Variants in MATN2 observed in about 807,000 individuals in gnomAD.
MATN2 encodes matrilin-2.
Under a neutral mutation model 103.2 loss-of-function variants are expected in MATN2, and 69 were observed. The observed-to-expected ratio is 0.67, with a 90% CI of 0.55 to 0.82. MATN2 has a LOEUF of 0.82. MATN2 is among the 40% of genes least tolerant of loss of function. MATN2 has a pLI of 0.00. For missense variants in MATN2, 1,023 were observed against 1,211.5 expected, an observed-to-expected ratio of 0.84 and a Z score of 2.31; for synonymous variants, 429 against 450.2, an observed-to-expected ratio of 0.95 and a Z score of 0.60.
At chr8:97,941,161 C>CAAAAAAAAAAAAAAAAAAA (rs1186024165) in intron 3 of MATN2, among the ~76,000 whole-genome samples, 9 of 77,980 alleles carry the variant, frequency 1.2e-4, no homozygotes, top group East Asian at 3.3e-4. Flanking sequence ...GACCTTGTCT[C>CAAAAAAAAAAAAAAAAAAA]AAAAAAAAAA....
chr8:97,902,178 G>GT (rs761236013), intron 2 of MATN2, among the ~76,000 whole-genome samples: 576 of 141,364 alleles, frequency 4.1e-3, no homozygotes, highest in Middle Eastern at 0.011. Context: ...ACATGTATTT[G>GT]TTTTTTTTTT....
intron 11 of MATN2, among the ~76,000 whole-genome samples, chr8:98,017,359 C>G (rs1172379385): frequency 6.6e-6 from 1 of 152,204 alleles, no homozygotes; most frequent in African/African-American, 2.4e-5. Flanking sequence ...AGCCAGCCAG[C>G]CCAGGACAAG....
chr8:97,953,912 A>C (rs1234510676), intron 4 of MATN2, among the ~76,000 whole-genome samples: 2 of 152,062 alleles, frequency 1.3e-5, no homozygotes, highest in African/African-American at 4.8e-5. Context: ...CAGTGAGCCT[A>C]GATTGTGCCA....
At chr8:98,034,932 A>C (rs74618305) in intron 18 of MATN2, among the ~76,000 whole-genome samples, 1,812 of 151,766 alleles carry the variant, frequency 0.012, 25 homozygotes, top group African/African-American at 0.04. Context: ...AAAAAAAAAA[A>C]AGACTGCAGC....
Position 97,977,235 on chromosome 8 carries a change from C to CAAA in MATN2, c.959-1623_959-1621dup, listed in dbSNP as rs34634037. 2.1e-3 allele frequency among the ~76,000 whole-genome samples: 75 copies of CAAA among 35,932 alleles called. 1 individual carries two copies. The highest frequency in any genetic ancestry group is 4.3e-3 in the East Asian group (3 of 694). 23.6% of individuals were successfully genotyped at this position (35,932 alleles called of 152,430 possible). A position where few individuals can be genotyped will look rare whatever the true frequency, so the allele number is the denominator to read the frequency against. On this transcript the variant is annotated intron_variant, in intron 5 of 18. Coordinates refer to ENST00000254898, the MANE Select transcript of MATN2 (RefSeq NM_002380.5). Reference sequence around the variant, plus strand: ...TGGGAGACAAAGTGAGACCCTGTCTCAAAAAAAAAAAAAAAAAAAAAAAAA... The same window carrying CAAA: ...TGGGAGACAAAGTGAGACCCTGTCTCAAAAAAAAAAAAAAAAAAAAAAAAAAAA...
chr8:97,939,728 C>T (rs764788062), intron 3 of MATN2, among the ~76,000 whole-genome samples: 7 of 152,174 alleles, frequency 4.6e-5, no homozygotes, highest in African/African-American at 9.7e-5. Flanking sequence ...ACCGTGAAAA[C>T]GCTGTGAGTA....
chr8:97,979,106 A>G, intron 6 of MATN2, 98 bp downstream of exon 6: 1 of 1,373,878 alleles, frequency 7.3e-7, no homozygotes, highest in Non-Finnish European at 9.9e-7. Flanking sequence ...TAGCAATATA[A>G]TTATGTCATG....
chr8:97,899,090 G>A (rs1818905055), intron 2 of MATN2, among the ~76,000 whole-genome samples: 1 of 151,796 alleles, frequency 6.6e-6, no homozygotes, highest in Non-Finnish European at 1.5e-5. Context: ...CACCCACCCT[G>A]TTTTATCCAG....
chr8:98,000,858 C>T (rs1812760176), intron 7 of MATN2, among the ~76,000 whole-genome samples: 1 of 152,176 alleles, frequency 6.6e-6, no homozygotes, highest in South Asian at 2.1e-4. Flanking sequence ...AGATACAAAA[C>T]ATACTACATA....
chr8:97,996,685 A>G (rs534369208), intron 7 of MATN2, among the ~76,000 whole-genome samples: 11 of 152,202 alleles, frequency 7.2e-5, no homozygotes, highest in African/African-American at 2.2e-4. Context: ...TCATGCTTGC[A>G]CTCAGTCCAT....
At chr8:98,021,955 T>C (rs1362076010) in intron 13 of MATN2, among the ~76,000 whole-genome samples, 12 of 152,194 alleles carry the variant, frequency 7.9e-5, no homozygotes, top group Non-Finnish European at 1.6e-4. Flanking sequence ...TCTGAATTGG[T>C]ATAACCTTTC....
intron 16 of MATN2, among the ~76,000 whole-genome samples, 176 bp from the exon 17 acceptor site, chr8:98,032,866 G>GT (rs1283099110): frequency 2.1e-5 from 3 of 144,406 alleles, no homozygotes; most frequent in Non-Finnish European, 4.4e-5. Flanking sequence ...GTTGTTTTTT[G>GT]TTTTTTTAAT....
chr8:97,991,443 T>G (rs1165834231), intron 6 of MATN2, among the ~76,000 whole-genome samples: 1 of 152,184 alleles, frequency 6.6e-6, no homozygotes, highest in Non-Finnish European at 1.5e-5. Context: ...ATTTTTCTGC[T>G]GGGCACAGTG....
At chr8:97,885,839 A>G (rs1424446320) in intron 1 of MATN2, among the ~76,000 whole-genome samples, 2 of 152,068 alleles carry the variant, frequency 1.3e-5, no homozygotes, top group Admixed American at 1.3e-4. Context: ...GGGTGAGGAG[A>G]GTAGTTATTT....
At chr8:97,991,449 C>T (rs1812384527) in intron 6 of MATN2, among the ~76,000 whole-genome samples, 1 of 152,176 alleles carries the variant, frequency 6.6e-6, no homozygotes, top group African/African-American at 2.4e-5. Context: ...CTGCTGGGCA[C>T]AGTGGCTCAC....
chr8:97,976,895 G>C (rs888696424), intron 5 of MATN2, among the ~76,000 whole-genome samples: 3 of 152,000 alleles, frequency 2.0e-5, no homozygotes, highest in African/African-American at 7.2e-5. Context: ...CTATGCTGTG[G>C]TTTGGATATG....
At chr8:97,886,052 T>C (rs1057166986) in intron 1 of MATN2, among the ~76,000 whole-genome samples, 2 of 152,168 alleles carry the variant, frequency 1.3e-5, no homozygotes, top group African/African-American at 4.8e-5. Flanking sequence ...GATTCTTTTT[T>C]TTAAATTGCT....
chr8:97,941,679 C>G (rs1175828318), intron 3 of MATN2, 98 bp from the exon 4 acceptor site: 1 of 1,368,604 alleles, frequency 7.3e-7, no homozygotes, highest in Non-Finnish European at 1.0e-6. Context: ...TGAGTCCTGC[C>G]CAGAGGAGAG....
Position 98,007,038 on chromosome 8 carries a change from A to C in MATN2, c.1328-67A>C. 2.0e-6 allele frequency: 3 copies of C among 1,529,856 alleles called. No homozygotes were observed. In the South Asian group the frequency reaches 3.6e-5, roughly 18 times the overall value. 94.8% of individuals were successfully genotyped at this position (1,529,856 alleles called of 1,614,324 possible). ...TGTTATGCCTCCGGTTTTGTTTTTG[A>C]ATCTTGGTTGCTGGTGGGGTATTGC... On this transcript the variant is annotated intron_variant, in intron 8 of 18. Coordinates refer to ENST00000254898, the MANE Select transcript of MATN2 (RefSeq NM_002380.5). The surrounding 1 kb of genome is among the most constrained non-coding windows in gnomAD (Gnocchi z 4.2).
Sources: gnomAD v4.1 joint callset for allele counts (sites outside exome capture counted in the v4.1 genomes callset) on GRCh38, gnomAD v4.1.1 for gene constraint, Gnocchi (gnomAD v3.1) non-coding constraint, MANE v1.5 for transcripts, NCBI Gene and HGNC (gene_info 2026-07-23, HGNC 2026-07-21) for gene names.